The following STYK1 variants were observed in gnomAD, a reference collection of about 807,000 sequenced individuals.
STYK1 encodes the protein tyrosine-protein kinase STYK1.
A neutral mutation model predicts 48.1 loss-of-function variants in STYK1; 46 were observed. The ratio of observed to expected loss-of-function variants is 0.96; its 90% CI spans 0.75 to 1.22. The LOEUF is 1.22. STYK1 is among the 50% of genes most tolerant of loss of function. The pLI is 0.00. For missense variants in STYK1, 527 were observed against 521.1 expected (o/e 1.01, Z -0.11); for synonymous variants, 188 against 189.0 (o/e 0.99, Z 0.04).
chr12:10,668,259 A>G (rs7312901), intron 1 of STYK1, among the ~76,000 whole-genome samples: 18,739 of 152,104 alleles, frequency 0.12, 3,485 homozygotes, highest in African/African-American at 0.41. Context: ...TCACAAAGAG[A>G]GAACCAGAGC....
At chr12:10,660,662 CA>C (rs1169041255) in intron 1 of STYK1, among the ~76,000 whole-genome samples, 6 of 152,078 alleles carry the variant, frequency 3.9e-5, no homozygotes. Flanking sequence ...AGAAGCAAGC[CA>C]AAACCCACCT....
intron 1 of STYK1, among the ~76,000 whole-genome samples, chr12:10,641,624 T>C (rs1947545723): frequency 6.6e-6 from 1 of 152,232 alleles, no homozygotes; most frequent in African/African-American, 2.4e-5. Context: ...GATGTGGACA[T>C]GAGGTTTCAC....
At chr12:10,632,672 A>C (rs1947442889) in intron 4 of STYK1, among the ~76,000 whole-genome samples, 2 of 152,190 alleles carry the variant, frequency 1.3e-5, no homozygotes, top group South Asian at 4.1e-4. Flanking sequence ...AGAAGCAGGG[A>C]ATGTTAAGAG....
rs1484358183 is a variant in STYK1 at position 10,672,504 on chromosome 12, G to C, written c.-195+1462C>G. Among the ~76,000 whole-genome samples the C allele has an allele frequency of 6.6e-6, 1 of 152,140 alleles. No homozygotes were observed. The highest frequency in any genetic ancestry group is 1.9e-4 in the East Asian group (1 of 5,196). Reference sequence around the variant, plus strand: ...CCACCCACCAACTCCTCCTAAAGTGGTGTGATTACAGGTGTGAGCCACCGT... The same window carrying C: ...CCACCCACCAACTCCTCCTAAAGTGCTGTGATTACAGGTGTGAGCCACCGT... On this transcript the variant is annotated intron_variant, in intron 1 of 10. Coordinates refer to ENST00000075503, the MANE Select transcript of STYK1 (RefSeq NM_018423.3). This position sits in a 1 kb window ranked among gnomAD's most constrained non-coding sequence, Gnocchi z 4.0.
chr12:10,626,303 A>G (rs1462601195), intron 7 of STYK1, among the ~76,000 whole-genome samples: 3 of 152,162 alleles, frequency 2.0e-5, no homozygotes, highest in African/African-American at 4.8e-5. Context: ...CGCCTCTGCA[A>G]TTGCGGTTCT....
chr12:10,664,782 G>T (rs1287969864), intron 1 of STYK1, among the ~76,000 whole-genome samples: 3 of 152,174 alleles, frequency 2.0e-5, no homozygotes, highest in Non-Finnish European at 2.9e-5. Context: ...TGGGAGGGGA[G>T]ATTATAATTG....
rs757703854 is a variant in STYK1 at position 10,620,253 on chromosome 12, G to A, written c.1160C>T (p.Ala387Val). 9.9e-6 allele frequency: 16 copies of A among 1,614,086 alleles called. No individual in the cohort carries two copies. The highest frequency in any genetic ancestry group is 1.7e-5 in the Admixed American group (1 of 60,014). The part of the protein sequence containing the change: ...RLRLEAAIKT[A>V]DDEAVLQVPE... ...TACTTGTAACACAGCCTCGTCATCT[G>A]CAGTTTTAATGGCAGCTTCTAGGCG... Residue 387 changes from alanine to valine, a missense_variant, in exon 11 of 11, where the codon GCA (alanine) becomes GTA (valine). By Grantham distance (64) the Ala-to-Val change is moderately conservative. Transcript: ENST00000075503.
chr12:10,630,612 G>A (rs1398211537), intron 5 of STYK1, among the ~76,000 whole-genome samples: 1 of 150,326 alleles, frequency 6.7e-6, no homozygotes, highest in Non-Finnish European at 1.5e-5. Context: ...TCAATTCTGT[G>A]ACATACCGCA....
In STYK1 at chr12:10,621,884, T is replaced by C. The variant is rs1591672367; in HGVS notation, c.1056A>G (p.Thr352=). Residue 352 remains threonine, a synonymous_variant, in exon 10 of 11, where the codon ACA becomes ACG. Coordinates refer to ENST00000075503, the MANE Select transcript of STYK1 (RefSeq NM_018423.3). Reference sequence around the variant, plus strand: ...CTTTAAAAACCACTTACATGGTATGTGTGCAGCTACTGGGTCTCTTCATGA... The same window carrying C: ...CTTTAAAAACCACTTACATGGTATGCGTGCAGCTACTGGGTCTCTTCATGA... ...RKIMKRPSSC[T]HTMYSIMKSC... The C allele has an allele frequency of 1.9e-6, 3 of 1,613,808 alleles. No individual in the cohort carries two copies. Among genetic ancestry groups the C allele is most frequent in the South Asian group, 2.2e-5 (2 of 91,078 alleles).
rs1301485081 is a variant in STYK1, at chr12:10,620,056, T to A, written c.*88A>T. 1 of 1,426,918 alleles carries A rather than the reference T, an allele frequency of 7.0e-7. No homozygotes were observed. The highest frequency in any genetic ancestry group is 1.4e-5 in the African/African-American group (1 of 70,806). The allele number at this position is 1,426,918 out of a possible 1,614,324, so 88.4% of individuals were successfully genotyped here. On this transcript the variant is annotated 3_prime_UTR_variant, in exon 11 of 11. Coordinates refer to ENST00000075503, the MANE Select transcript of STYK1 (RefSeq NM_018423.3). The stretch of plus-strand genomic sequence containing the variant: ...AATCCATGTCCCATTTCTCCCTTTG[T>A]GTCCCTGGGAAAGACCATTCTCTGT...
intron 1 of STYK1, among the ~76,000 whole-genome samples, chr12:10,657,330 G>T (rs1947730013): frequency 2.0e-5 from 3 of 152,078 alleles, no homozygotes; most frequent in Admixed American, 6.5e-5. Flanking sequence ...ACAACTACTG[G>T]ATCTTCTGTC....
chr12:10,629,986 T>C (rs1018801836), intron 5 of STYK1, among the ~76,000 whole-genome samples: 1 of 150,274 alleles, frequency 6.7e-6, no homozygotes, highest in Non-Finnish European at 1.5e-5. Flanking sequence ...TTGCTTGTCT[T>C]ATCCTTGTTC....
At chr12:10,653,167 G>A (rs1028384371) in intron 1 of STYK1, among the ~76,000 whole-genome samples, 2 of 151,992 alleles carry the variant, frequency 1.3e-5, no homozygotes, top group Non-Finnish European at 2.9e-5. Context: ...CCGCCTCCTG[G>A]GTTCACGCAA....
chr12:10,653,367 T>C (rs925528039), intron 1 of STYK1, among the ~76,000 whole-genome samples: 4 of 152,142 alleles, frequency 2.6e-5, no homozygotes, highest in Non-Finnish European at 5.9e-5. Context: ...AACATACCTT[T>C]TCTAGAGAGT....
chr12:10,652,388 G>A (rs898845406), intron 1 of STYK1, among the ~76,000 whole-genome samples: 8 of 152,140 alleles, frequency 5.3e-5, no homozygotes, highest in African/African-American at 1.9e-4. Context: ...TCATAGAATT[G>A]CGCAATGTAA....
At chr12:10,639,464 G>C (rs1219505290) in intron 1 of STYK1, among the ~76,000 whole-genome samples, 1 of 151,940 alleles carries the variant, frequency 6.6e-6, no homozygotes, top group African/African-American at 2.4e-5. Flanking sequence ...GCCCAGGCTG[G>C]AGTGCAATGG....
chr12:10,649,620 C>T (rs1160966515), intron 1 of STYK1, among the ~76,000 whole-genome samples: 1 of 152,030 alleles, frequency 6.6e-6, no homozygotes, highest in Non-Finnish European at 1.5e-5. Context: ...TTTCTATTTT[C>T]CAAATGGAAT....
chr12:10,669,939 A>C (rs1455136056), intron 1 of STYK1, among the ~76,000 whole-genome samples: 1 of 152,262 alleles, frequency 6.6e-6, no homozygotes, highest in Admixed American at 6.5e-5. Context: ...CTATTACCTC[A>C]TACCTGTTAG....
chr12:10,630,998 A>G, intron 5 of STYK1, 47 bp downstream of exon 5: 1 of 1,601,576 alleles, frequency 6.2e-7, no homozygotes, highest in Non-Finnish European at 8.5e-7. Flanking sequence ...AAAGCCTGTT[A>G]ATATTTACTG....
Sources: gnomAD v4.1 joint callset for allele counts (sites outside exome capture counted in the v4.1 genomes callset) on GRCh38, gnomAD v4.1.1 for gene constraint, Gnocchi (gnomAD v3.1) non-coding constraint, MANE v1.5 for transcripts, NCBI Gene and HGNC (gene_info 2026-07-23, HGNC 2026-07-21) for gene names.